Variants in CABIN1 observed in about 807,000 individuals in gnomAD.
CABIN1 encodes calcineurin-binding protein cabin-1.
Under a neutral mutation model 227.7 loss-of-function variants are expected in CABIN1, and 133 were observed. The ratio of observed to expected loss-of-function variants is 0.58; its 90% CI spans 0.51 to 0.67. CABIN1 has a LOEUF of 0.67. CABIN1 is among the 30% of genes least tolerant of loss of function. CABIN1 has a pLI of 0.00. For missense variants in CABIN1, 2,408 were observed against 2,852.5 expected, an observed-to-expected ratio of 0.84 and a Z score of 3.55; for synonymous variants, 1,086 against 1,155.1, an observed-to-expected ratio of 0.94 and a Z score of 1.21.
intron 25 of CABIN1, 28 bp from the exon 26 acceptor site, chr22:24,097,986 C>T (rs1400050277): frequency 1.2e-6 from 2 of 1,614,028 alleles, no homozygotes; most frequent in East Asian, 2.2e-5. Flanking sequence ...GAGACTCTGA[C>T]CTGTGCCCCA....
chr22:24,041,161 AAG>A lies in CABIN1; in HGVS notation c.236_237del (p.Glu79GlyfsTer15). The A allele has an allele frequency of 6.2e-7, 1 of 1,614,158 alleles. No homozygotes were observed. The highest frequency in any genetic ancestry group is 1.1e-5 in the South Asian group (1 of 91,082). On this transcript the variant is annotated frameshift_variant, in exon 5 of 37. Coordinates refer to ENST00000263119, the MANE Select transcript of CABIN1 (RefSeq NM_012295.4). LOFTEE classifies it high-confidence loss of function. ...CAGGCAGTTTCATCCGGTGATGAGA[AAG>A]AGGGGTTGAAACACCCTGGGCTGAT...
Position 24,177,498 on chromosome 22 carries a change from T to A in CABIN1, c.6206-6T>A. On this transcript the variant is annotated splice_region_variant and splice_polypyrimidine_tract_variant and intron_variant, in intron 35 of 36. Coordinates refer to ENST00000263119, the MANE Select transcript of CABIN1 (RefSeq NM_012295.4). This position sits in a 1 kb window ranked among gnomAD's most constrained non-coding sequence, Gnocchi z 4.4. Reference sequence around the variant, plus strand: ...AGGAAGTGCTCTTGGTACCTTTGTCTTCCAGAGGGGAAACTGAGGCCTGAG... The same window carrying A: ...AGGAAGTGCTCTTGGTACCTTTGTCATCCAGAGGGGAAACTGAGGCCTGAG... The A allele has an allele frequency of 6.6e-7, 1 of 1,523,870 alleles. No individual in the cohort carries two copies. Among genetic ancestry groups the A allele is most frequent in the Non-Finnish European group, 8.8e-7 (1 of 1,135,922 alleles). 94.4% of individuals were successfully genotyped at this position (1,523,870 alleles called of 1,614,324 possible).
rs748500600 is a variant in CABIN1, at chr22:24,084,976, TCC to T, written c.3118-27_3118-26del. ...TCACATCTGAGTCCTTGACTCCACC[TCC>T]CCTCATACTTTTCCTCTCACCTGCC... is the stretch of plus-strand genomic sequence containing the variant. On this transcript the variant is annotated intron_variant, in intron 21 of 36. Transcript: ENST00000263119. 6.8e-6 allele frequency: 11 copies of T among 1,614,048 alleles called. 1 individual carries two copies. In the South Asian group the frequency reaches 1.2e-4, roughly 18 times the overall value.
intron 19 of CABIN1, among the ~76,000 whole-genome samples, chr22:24,081,472 C>G (rs1310770696): frequency 1.3e-5 from 2 of 152,148 alleles, no homozygotes. Flanking sequence ...AGTTATGCCC[C>G]TTTTTCATTG....
At chr22:24,055,905 A>T (rs955380169) in intron 9 of CABIN1, among the ~76,000 whole-genome samples, 1 of 152,174 alleles carries the variant, frequency 6.6e-6, no homozygotes, top group Admixed American at 6.5e-5. Flanking sequence ...TCAGCCGACC[A>T]GTGAGGGGAT....
intron 29 of CABIN1, among the ~76,000 whole-genome samples, chr22:24,156,746 T>C (rs1197414251): frequency 2.6e-5 from 4 of 151,458 alleles, no homozygotes; most frequent in Admixed American, 2.0e-4. Context: ...AGGAGTGAGG[T>C]TAGGGGTAAC....
At chr22:24,139,403 TA>T (rs2044613728) in intron 29 of CABIN1, among the ~76,000 whole-genome samples, 1 of 152,094 alleles carries the variant, frequency 6.6e-6, no homozygotes, top group African/African-American at 2.4e-5. Context: ...CCATCTCTAC[TA>T]AAAATACAAA....
At chr22:24,170,016 G>C (rs957140538) in intron 33 of CABIN1, 22 of 416,212 alleles carry the variant, frequency 5.3e-5, no homozygotes, top group African/African-American at 3.5e-4. Context: ...CTTTCAGGTT[G>C]CCTGCTGCTG....
At chr22:24,023,826 C>T (rs1024430169) in intron 1 of CABIN1, among the ~76,000 whole-genome samples, 23 of 151,870 alleles carry the variant, frequency 1.5e-4, no homozygotes, top group East Asian at 1.9e-4. Context: ...CTCTGCCTCC[C>T]GGGCCCAAGC....
At chr22:24,086,806 A>G (rs1407638587) in intron 22 of CABIN1, among the ~76,000 whole-genome samples, 1 of 152,050 alleles carries the variant, frequency 6.6e-6, no homozygotes, top group African/African-American at 2.4e-5. Context: ...TCAGAATGGT[A>G]GGGTCTCAGC....
intron 24 of CABIN1, 135 bp downstream of exon 24, chr22:24,091,978 A>G: frequency 9.9e-7 from 1 of 1,010,864 alleles, no homozygotes; most frequent in Non-Finnish European, 1.5e-6. Flanking sequence ...GAGCAGCTTC[A>G]TGTGCAATTG....
chr22:24,030,901 G>A (rs1409550163), intron 1 of CABIN1, among the ~76,000 whole-genome samples: 1 of 152,172 alleles, frequency 6.6e-6, no homozygotes, highest in African/African-American at 2.4e-5. Flanking sequence ...CCATAGTCCT[G>A]GAGACAAAGA....
chr22:24,154,848 C>G (rs1040103115), intron 29 of CABIN1, among the ~76,000 whole-genome samples: 1 of 152,142 alleles, frequency 6.6e-6, no homozygotes, highest in African/African-American at 2.4e-5. Context: ...GGAACCAGCC[C>G]AGGGGTAGGC....
intron 26 of CABIN1, among the ~76,000 whole-genome samples, chr22:24,112,760 A>T (rs1001593533): frequency 6.6e-6 from 1 of 152,038 alleles, no homozygotes; most frequent in African/African-American, 2.4e-5. Context: ...TTAGAATAGA[A>T]GGTTTTTCCT....
At chr22:24,043,307 CTTTTTT>C (rs745547509) in intron 6 of CABIN1, among the ~76,000 whole-genome samples, 4 of 71,124 alleles carry the variant, frequency 5.6e-5, no homozygotes, top group African/African-American at 1.8e-4. Context: ...AATGATTTTA[CTTTTTT>C]TTTTTTTTTT....
rs1181340040 is a variant in CABIN1, at chr22:24,070,978, G to A, written c.2411G>A (p.Gly804Asp). 7 of 1,614,108 alleles carry A rather than the reference G, an allele frequency of 4.3e-6. No individual in the cohort carries two copies. The highest frequency in any genetic ancestry group is 5.9e-6 in the Non-Finnish European group (7 of 1,180,040). The change falls in exon 17 of 37, where the codon GGT becomes GAT. Residue 804 changes from glycine (G) to aspartate (D), a missense_variant. Around this residue, in one of 3 missense-constraint regions of CABIN1, gnomAD observed 1,045 missense variants for 1,168.4 expected, o/e 0.89. Transcript: ENST00000263119. Reference sequence around the variant, plus strand: ...CAGGCCCTCTCTGCGGACAGCAGTGGTAGCATCCTGAAGGTATCATCCTCC... The same window carrying A: ...CAGGCCCTCTCTGCGGACAGCAGTGATAGCATCCTGAAGGTATCATCCTCC... ...IEQALSADSSGSILKVSSSTT... is the reference protein window; with the variant it reads ...IEQALSADSSDSILKVSSSTT...
chr22:24,093,708 C>T (rs561125740), intron 24 of CABIN1, among the ~76,000 whole-genome samples: 3 of 151,550 alleles, frequency 2.0e-5, no homozygotes, highest in Non-Finnish European at 1.5e-5. Context: ...GAGACCCCCC[C>T]ATCTCTACAA....
intron 26 of CABIN1, among the ~76,000 whole-genome samples, chr22:24,104,460 A>G (rs1359317448): frequency 1.3e-5 from 2 of 152,196 alleles, no homozygotes; most frequent in African/African-American, 4.8e-5. Context: ...GTCTACACAT[A>G]TCAGGCTTCT....
chr22:24,114,405 C>T (rs1049575771), intron 27 of CABIN1, among the ~76,000 whole-genome samples: 2 of 152,134 alleles, frequency 1.3e-5, no homozygotes, highest in Admixed American at 6.5e-5. Flanking sequence ...AGGGCCAGGG[C>T]TTACACGTGT....
Sources: allele counts gnomAD v4.1 joint callset (sites outside exome capture counted in the v4.1 genomes callset), GRCh38; gene constraint gnomAD v4.1.1; regional missense constraint gnomAD v4.1.1; non-coding constraint Gnocchi (gnomAD v3.1); transcripts MANE v1.5; gene names NCBI Gene and HGNC (gene_info 2026-07-23, HGNC 2026-07-21).